The following MAP2K4 variants were observed in gnomAD, a reference collection of about 807,000 sequenced individuals.
The protein encoded by MAP2K4 is dual specificity mitogen-activated protein kinase kinase 4.
MAP2K4 carries 4 observed loss-of-function variants against 48.5 expected under a neutral mutation model. The observed-to-expected ratio is 0.08, with a 90% CI of 0.04 to 0.19. The LOEUF (loss-of-function observed/expected upper bound fraction) is 0.19. MAP2K4 is among the 10% of genes least tolerant of loss of function. The pLI, the probability that MAP2K4 is intolerant of heterozygous loss-of-function variation, is 1.00. For missense variants in MAP2K4, 258 were observed against 493.3 expected (o/e 0.52, Z 4.52); for synonymous variants, 166 against 173.1 (o/e 0.96, Z 0.32).
At chr17:12,134,879 A>G (rs1162040402) in intron 9 of MAP2K4, among the ~76,000 whole-genome samples, 1 of 152,180 alleles carries the variant, frequency 6.6e-6, no homozygotes, top group Non-Finnish European at 1.5e-5. Flanking sequence ...CACTGAAACT[A>G]CTAAAATGCT....
At chr17:12,106,522 A>G (rs2151571558) in intron 4 of MAP2K4, among the ~76,000 whole-genome samples, 1 of 152,236 alleles carries the variant, frequency 6.6e-6, no homozygotes, top group East Asian at 1.9e-4. Flanking sequence ...TGGGTAGTGT[A>G]TTGTTCTGGG....
chr17:12,033,611 C>T (rs1969505583), intron 1 of MAP2K4, among the ~76,000 whole-genome samples: 1 of 152,068 alleles, frequency 6.6e-6, no homozygotes, highest in African/African-American at 2.4e-5. Context: ...ATTTCCTGCT[C>T]ATAGTGAACC....
intron 1 of MAP2K4, among the ~76,000 whole-genome samples, chr17:12,026,500 C>T (rs1024588483): frequency 6.6e-6 from 1 of 152,128 alleles, no homozygotes; most frequent in Non-Finnish European, 1.5e-5. Flanking sequence ...TTTCACTGTT[C>T]CTACCTAATT....
chr17:12,047,283 C>T (rs570419483), intron 1 of MAP2K4, among the ~76,000 whole-genome samples: 11 of 152,196 alleles, frequency 7.2e-5, no homozygotes, highest in Admixed American at 3.3e-4. Context: ...AGGACTTGGC[C>T]ATCATAAATG....
At chr17:12,121,328 C>G (rs1972682000) in intron 7 of MAP2K4, among the ~76,000 whole-genome samples, 1 of 152,122 alleles carries the variant, frequency 6.6e-6, no homozygotes, top group Non-Finnish European at 1.5e-5. Flanking sequence ...TCGAAACACT[C>G]AGGTTCCAAG....
chr17:12,140,124 T>C (rs1467123114), intron 10 of MAP2K4, among the ~76,000 whole-genome samples: 1 of 152,202 alleles, frequency 6.6e-6, no homozygotes, highest in Non-Finnish European at 1.5e-5. Flanking sequence ...TTATAAAAAT[T>C]ACCCCCAAAG....
chr17:12,097,205 ATAGTTAAT>A (rs1204386550), intron 4 of MAP2K4, among the ~76,000 whole-genome samples: 4 of 152,290 alleles, frequency 2.6e-5, no homozygotes, highest in South Asian at 4.1e-4. Flanking sequence ...ATGCAGAACA[ATAGTTAAT>A]TAGTTAATTA....
intron 1 of MAP2K4, among the ~76,000 whole-genome samples, chr17:12,054,219 A>G (rs1256600367): frequency 6.6e-6 from 1 of 152,178 alleles, no homozygotes; most frequent in East Asian, 1.9e-4. Flanking sequence ...TGATAAGTTT[A>G]TGTAAAATTT....
At chr17:12,095,927 G>GTGTGTGTGTGTGTGTGTA (rs919908493) in intron 4 of MAP2K4, among the ~76,000 whole-genome samples, 12 of 143,838 alleles carry the variant, frequency 8.3e-5, no homozygotes, top group African/African-American at 2.8e-4. Context: ...GTGTGTGTGT[G>GTGTGTGTGTGTGTGTGTA]TATTTTAGTA....
intron 9 of MAP2K4, among the ~76,000 whole-genome samples, chr17:12,131,691 C>T (rs1019439570): frequency 4.6e-5 from 7 of 151,662 alleles, no homozygotes; most frequent in South Asian, 2.1e-4. Flanking sequence ...TGAAACAGAA[C>T]GTAGAAAGTA....
At chr17:12,115,808 T>C (rs750767284) in intron 7 of MAP2K4, 38 of 729,316 alleles carry the variant, frequency 5.2e-5, no homozygotes, top group Non-Finnish European at 9.3e-5. Flanking sequence ...CTGGGACAGC[T>C]CTGCTGACAG....
chr17:12,115,959 CTT>C (rs966278044), intron 7 of MAP2K4: 3 of 436,010 alleles, frequency 6.9e-6, no homozygotes, highest in African/African-American at 4.1e-5. Flanking sequence ...TGAGTGAACT[CTT>C]TTCTCGTTCT....
At chr17:12,098,349 A>G (rs1265261923) in intron 4 of MAP2K4, among the ~76,000 whole-genome samples, 3 of 151,942 alleles carry the variant, frequency 2.0e-5, no homozygotes, top group Non-Finnish European at 4.4e-5. Flanking sequence ...GTGGTGGCAC[A>G]TGCCTGTAGT....
At chr17:12,045,429 A>T (rs892384391) in intron 1 of MAP2K4, among the ~76,000 whole-genome samples, 1 of 152,108 alleles carries the variant, frequency 6.6e-6, no homozygotes, top group Non-Finnish European at 1.5e-5. Context: ...AGAGTATCTG[A>T]TATGTGCTTC....
intron 2 of MAP2K4, among the ~76,000 whole-genome samples, chr17:12,080,387 T>C (rs955102304): frequency 6.6e-6 from 1 of 152,172 alleles, no homozygotes. Flanking sequence ...TTCCTACACA[T>C]TGGGGTTTGG....
intron 7 of MAP2K4, among the ~76,000 whole-genome samples, chr17:12,115,329 A>C (rs1329019597): frequency 2.0e-5 from 3 of 152,224 alleles, no homozygotes; most frequent in African/African-American, 7.2e-5. Flanking sequence ...GTGCAAAATC[A>C]TAAGTGTACT....
At chr17:12,070,317 T>G (rs1970762106) in intron 2 of MAP2K4, among the ~76,000 whole-genome samples, 1 of 152,146 alleles carries the variant, frequency 6.6e-6, no homozygotes, top group African/African-American at 2.4e-5. Flanking sequence ...TGCTGAAAGA[T>G]AGGTAGATAT....
At chr17:12,040,099 T>C (rs552419583) in intron 1 of MAP2K4, among the ~76,000 whole-genome samples, 5 of 152,296 alleles carry the variant, frequency 3.3e-5, no homozygotes, top group Admixed American at 2.6e-4. Flanking sequence ...GATAAACCAA[T>C]GGGCTTAGGT....
chr17:12,096,834 G>GGT (rs1268423599), intron 4 of MAP2K4, among the ~76,000 whole-genome samples: 2 of 152,072 alleles, frequency 1.3e-5, no homozygotes, highest in African/African-American at 4.8e-5. Flanking sequence ...GCTCTTACTA[G>GGT]GTAACTAGTA....
Sources: allele counts gnomAD v4.1 joint callset (sites outside exome capture counted in the v4.1 genomes callset), GRCh38; gene constraint gnomAD v4.1.1; transcripts MANE v1.5; gene names NCBI Gene and HGNC (gene_info 2026-07-23, HGNC 2026-07-21).